TDRP: variants seen among roughly 807,000 people sequenced by gnomAD.
TDRP encodes testis development related protein.
A neutral mutation model predicts 10.5 loss-of-function variants in TDRP; 12 were observed. The ratio of observed to expected loss-of-function variants is 1.15; its 90% confidence interval spans 0.73 to 1.86. TDRP has a LOEUF of 1.86. TDRP is among the 40% of genes most tolerant of loss of function. TDRP has a pLI of 0.00. For synonymous variants in TDRP, 139 were observed against 95.4 expected (o/e 1.46, Z -2.67); for missense variants, 353 against 229.2 (o/e 1.54, Z -3.49).
chr8:541,542 A>T (rs1219971051), intron 1 of TDRP, among the ~76,000 whole-genome samples: 3 of 152,224 alleles, frequency 2.0e-5, no homozygotes, highest in African/African-American at 4.8e-5. Context: ...CATACAAAGA[A>T]CTCTTAAAAC....
At chr8:513,502 C>T (rs1346678553) in intron 1 of TDRP, among the ~76,000 whole-genome samples, 1 of 152,102 alleles carries the variant, frequency 6.6e-6, no homozygotes, top group African/African-American at 2.4e-5. Flanking sequence ...AGGGAATTTC[C>T]TCAACCTAGT....
intron 1 of TDRP, among the ~76,000 whole-genome samples, chr8:532,844 C>CG (rs1802243035): frequency 1.5e-5 from 1 of 66,748 alleles, no homozygotes; most frequent in Non-Finnish European, 5.4e-5. Flanking sequence ...CAGCCACGAT[C>CG]GTTCATTTAC....
chr8:520,533 G>A (rs1801875245), intron 1 of TDRP, among the ~76,000 whole-genome samples: 1 of 152,162 alleles, frequency 6.6e-6, no homozygotes, highest in African/African-American at 2.4e-5. Flanking sequence ...GTTTTCCACA[G>A]CAGCTAAATC....
chr8:523,807 G>C (rs781736291), intron 1 of TDRP, among the ~76,000 whole-genome samples: 1 of 152,176 alleles, frequency 6.6e-6, no homozygotes, highest in Non-Finnish European at 1.5e-5. Flanking sequence ...TGATTCCTGA[G>C]GTTTCTGACT....
chr8:543,826 G>T (rs1184710842), intron 1 of TDRP, among the ~76,000 whole-genome samples: 4 of 151,406 alleles, frequency 2.6e-5, no homozygotes, highest in Admixed American at 1.3e-4. Context: ...GGAGGAAGTT[G>T]CCACACGTTT....
At position 491,566 on chromosome 8, in the gene TDRP, G is replaced by T; in HGVS notation, c.*833C>A. 1 of 1,477,688 alleles carries T rather than the reference G, an allele frequency of 6.8e-7. No homozygotes were observed. The highest frequency in any genetic ancestry group is 1.4e-5 in the South Asian group (1 of 73,614). The allele number at this position is 1,477,688 out of a possible 1,614,324, so 91.5% of individuals were successfully genotyped here. A position where few individuals can be genotyped will look rare whatever the true frequency, so the allele number is the denominator to read the frequency against. On this transcript the variant is annotated 3_prime_UTR_variant, in exon 3 of 3. Transcript: ENST00000324079. ...AAACATATGAGCCTAATAAAAAAGA[G>T]GCACTTCAGTATTTTATGCACAGTC...
intron 1 of TDRP, among the ~76,000 whole-genome samples, chr8:535,430 G>T (rs1195903708): frequency 6.6e-6 from 1 of 152,116 alleles, no homozygotes; most frequent in Admixed American, 6.5e-5. Flanking sequence ...TGAAGGATCA[G>T]ATAAAACGAA....
At chr8:542,882 A>T (rs1802536028) in intron 1 of TDRP, among the ~76,000 whole-genome samples, 1 of 150,288 alleles carries the variant, frequency 6.7e-6, no homozygotes, top group Admixed American at 6.6e-5. Flanking sequence ...AAAAGTATAG[A>T]TGACAATTGT....
At chr8:523,353 C>A (rs774458458) in intron 1 of TDRP, among the ~76,000 whole-genome samples, 7 of 152,120 alleles carry the variant, frequency 4.6e-5, no homozygotes, top group Non-Finnish European at 8.8e-5. Flanking sequence ...AGTAAGATGG[C>A]TGAATGGAAG....
At chr8:519,687 T>A (rs1228516384) in intron 1 of TDRP, among the ~76,000 whole-genome samples, 1 of 151,938 alleles carries the variant, frequency 6.6e-6, no homozygotes. Context: ...AAAATAATAA[T>A]GAGGTGTGAC....
intron 1 of TDRP, among the ~76,000 whole-genome samples, chr8:521,218 C>T (rs978690292): frequency 1.1e-4 from 14 of 127,904 alleles, no homozygotes; most frequent in East Asian, 2.2e-4. Context: ...CTGGCTAACA[C>T]GGTCAAACCC....
chr8:493,509 GTCCTCAAAC>G (rs2116708580), intron 2 of TDRP, among the ~76,000 whole-genome samples: 1 of 152,372 alleles, frequency 6.6e-6, no homozygotes, highest in East Asian at 1.9e-4. Flanking sequence ...GGGGCCCACA[GTCCTCAAAC>G]AAAAGCCAAC....
chr8:531,064 G>C (rs1046863869), intron 1 of TDRP, among the ~76,000 whole-genome samples: 2 of 152,174 alleles, frequency 1.3e-5, no homozygotes, highest in African/African-American at 2.4e-5. Flanking sequence ...CCAAAATTCA[G>C]AATGGTGGAC....
chr8:500,857 A>G (rs895989230), intron 1 of TDRP, among the ~76,000 whole-genome samples: 1 of 152,176 alleles, frequency 6.6e-6, no homozygotes, highest in Non-Finnish European at 1.5e-5. Flanking sequence ...GGGCAAGACC[A>G]GGAAGTGTTA....
chr8:529,174 G>C (rs78523896), intron 1 of TDRP, among the ~76,000 whole-genome samples: 1,640 of 152,168 alleles, frequency 0.011, 27 homozygotes, highest in African/African-American at 0.038. Context: ...ACCTCCTTTG[G>C]CAACACCCTC....
At chr8:503,034 C>G (rs1008838167) in intron 1 of TDRP, among the ~76,000 whole-genome samples, 8 of 152,024 alleles carry the variant, frequency 5.3e-5, no homozygotes, top group African/African-American at 1.9e-4. Context: ...CAGCATGCAA[C>G]AACACGGAAT....
At chr8:494,647 A>C (rs1801079570) in intron 1 of TDRP, 50 bp from the exon 2 acceptor site, 22 of 1,526,682 alleles carry the variant, frequency 1.4e-5, no homozygotes, top group Non-Finnish European at 1.9e-5. Flanking sequence ...GAATCAACAG[A>C]ATTCCGCTTT....
chr8:497,866 A>C (rs1801177577), intron 1 of TDRP, among the ~76,000 whole-genome samples: 1 of 152,188 alleles, frequency 6.6e-6, no homozygotes, highest in Non-Finnish European at 1.5e-5. Context: ...GCAGTGGCTA[A>C]ATGGGGCCAA....
At chr8:497,945 G>A (rs1051173627) in intron 1 of TDRP, among the ~76,000 whole-genome samples, 1 of 152,200 alleles carries the variant, frequency 6.6e-6, no homozygotes, top group Non-Finnish European at 1.5e-5. Flanking sequence ...ATGGTATTGG[G>A]CCTGAAAGTA....
Sources: gnomAD v4.1 joint callset for allele counts (sites outside exome capture counted in the v4.1 genomes callset) on GRCh38, gnomAD v4.1.1 for gene constraint, MANE v1.5 for transcripts, NCBI Gene and HGNC (gene_info 2026-07-23, HGNC 2026-07-21) for gene names.